TMEM17: variants seen among roughly 807,000 people sequenced by gnomAD.
TMEM17 encodes transmembrane protein 17.
In TMEM17, 15 loss-of-function variants were observed where a neutral mutation model predicts 19.1. That is an observed-to-expected ratio of 0.78 (90% CI 0.52 to 1.21). TMEM17 has a LOEUF of 1.21. Among genes scored for constraint, TMEM17 ranks in the 50% most tolerant of loss-of-function variants. TMEM17 has a pLI of 0.00. For synonymous variants in TMEM17, 103 were observed against 86.9 expected (o/e 1.19, Z -1.03); for missense variants, 245 against 242.3 (o/e 1.01, Z -0.07).
At chr2:62,477,910 T>C in the TMEM17 span, among the ~76,000 whole-genome samples, 1 of 152,202 alleles carries the variant, frequency 6.6e-6, no homozygotes, top group African/African-American at 2.4e-5. Context: ...ACTCATGTAG[T>C]GGCAGCTCCT....
the TMEM17 span, among the ~76,000 whole-genome samples, chr2:62,485,337 C>G: frequency 6.6e-6 from 1 of 152,212 alleles, no homozygotes; most frequent in Admixed American, 6.5e-5. Flanking sequence ...TTTCTTCCCC[C>G]ACTTCTTTCT....
the TMEM17 span, among the ~76,000 whole-genome samples, chr2:62,470,716 C>A: frequency 1.3e-5 from 2 of 152,232 alleles, no homozygotes; most frequent in Admixed American, 1.3e-4. Context: ...AAGACCACAG[C>A]CCCTCACAAA....
the TMEM17 span, among the ~76,000 whole-genome samples, chr2:62,457,783 T>C: frequency 6.6e-6 from 1 of 152,214 alleles, no homozygotes; most frequent in East Asian, 1.9e-4. The surrounding 1 kb of genome is among the most constrained non-coding windows in gnomAD (Gnocchi z 4.2). Context: ...CTCACTTTTA[T>C]CTGTGGCCTG....
At chr2:62,498,348 C>T (rs1016693955), downstream of TMEM17, among the ~76,000 whole-genome samples, 6 of 151,714 alleles carry the variant, frequency 4.0e-5, no homozygotes, top group African/African-American at 1.5e-4. Flanking sequence ...GATCACGCCA[C>T]TGCACTCCAG....
At chr2:62,468,193 C>T in the TMEM17 span, among the ~76,000 whole-genome samples, 2 of 152,134 alleles carry the variant, frequency 1.3e-5, no homozygotes, top group Non-Finnish European at 1.5e-5. Context: ...CCACGTGACT[C>T]TACAGAGGCA....
At chr2:62,467,387 C>T in the TMEM17 span, among the ~76,000 whole-genome samples, 11 of 152,200 alleles carry the variant, frequency 7.2e-5, no homozygotes, top group Admixed American at 4.6e-4. Context: ...AAAGGACTTG[C>T]GAAAGTCCCA....
chr2:62,461,114 T>C, the TMEM17 span, among the ~76,000 whole-genome samples: 1 of 152,216 alleles, frequency 6.6e-6, no homozygotes, highest in Non-Finnish European at 1.5e-5. Flanking sequence ...TCCTGGGCTC[T>C]CTGGCCAGCC....
the TMEM17 span, among the ~76,000 whole-genome samples, chr2:62,486,429 T>C: frequency 1.0e-3 from 156 of 152,372 alleles, no homozygotes; most frequent in African/African-American, 3.6e-3. Context: ...GCTCTGCCTC[T>C]GTCCCTGGAG....
chr2:62,464,300 C>A, the TMEM17 span, among the ~76,000 whole-genome samples: 20 of 152,320 alleles, frequency 1.3e-4, no homozygotes, highest in East Asian at 3.1e-3. Context: ...GGGGTCACAG[C>A]CCCCATCTGG....
chr2:62,456,208 C>T, the TMEM17 span, among the ~76,000 whole-genome samples: 2 of 152,250 alleles, frequency 1.3e-5, no homozygotes, highest in East Asian at 1.9e-4. Context: ...AAGCAACACA[C>T]ATTTATTCTC....
chr2:62,454,285 G>C, the TMEM17 span, among the ~76,000 whole-genome samples: 4 of 152,220 alleles, frequency 2.6e-5, no homozygotes, highest in African/African-American at 9.6e-5. Flanking sequence ...AGCTCTGGGG[G>C]TGGGAGGAGC....
chr2:62,478,795 T>A, the TMEM17 span, among the ~76,000 whole-genome samples: 6 of 152,224 alleles, frequency 3.9e-5, no homozygotes, highest in African/African-American at 1.4e-4. Flanking sequence ...TTAAAAATTA[T>A]TATTTTGAAG....
At position 62,500,930 on chromosome 2, in the gene TMEM17, AACC is replaced by A. The variant is rs1439829045; in HGVS notation, c.*276_*278del. On this transcript the variant is annotated 3_prime_UTR_variant, in exon 4 of 4. Transcript: ENST00000335390. Reference sequence around the variant, plus strand: ...TGCTACGAGAGAGCTGGCAAATGACAACCACCAATACATAGATTTCTACACTCC... The same window carrying A: ...TGCTACGAGAGAGCTGGCAAATGACAACCAATACATAGATTTCTACACTCC... The A allele has an allele frequency of 1.1e-5, 3 of 281,728 alleles. 1 individual carries two copies. The highest frequency in any genetic ancestry group is 6.6e-5 in the African/African-American group (3 of 45,764). 17.5% of individuals were successfully genotyped at this position (281,728 alleles called of 1,614,324 possible). A position where few individuals can be genotyped will look rare whatever the true frequency, so the allele number is the denominator to read the frequency against.
the TMEM17 span, among the ~76,000 whole-genome samples, chr2:62,461,846 C>T: frequency 9.2e-5 from 14 of 152,204 alleles, no homozygotes; most frequent in African/African-American, 2.9e-4. Context: ...CTGTAATGGC[C>T]GAGCTGGGCT....
At chr2:62,505,965 C>T (rs904920555) in intron 1 of TMEM17, 65 bp downstream of exon 1, 2 of 1,437,592 alleles carry the variant, frequency 1.4e-6, no homozygotes, top group Non-Finnish European at 1.9e-6. Context: ...AAATTCTGGA[C>T]GCTCCAAAAT....
At chr2:62,473,630 A>G in the TMEM17 span, among the ~76,000 whole-genome samples, 15 of 152,246 alleles carry the variant, frequency 9.9e-5, no homozygotes, top group East Asian at 2.9e-3. Flanking sequence ...GAAATATCTC[A>G]TCTACACACT....
the TMEM17 span, among the ~76,000 whole-genome samples, chr2:62,477,696 C>T: frequency 6.6e-6 from 1 of 152,242 alleles, no homozygotes; most frequent in African/African-American, 2.4e-5. Context: ...GGAGGCAGAA[C>T]ACCAGAGGTA....
the TMEM17 span, among the ~76,000 whole-genome samples, chr2:62,479,159 T>C: frequency 1.3e-5 from 2 of 152,246 alleles, no homozygotes; most frequent in Non-Finnish European, 2.9e-5. Flanking sequence ...CACTAGAACT[T>C]AGTCCTCCTA....
At chr2:62,464,195 C>A in the TMEM17 span, 2 of 152,372 alleles carry the variant, frequency 1.3e-5, no homozygotes, top group South Asian at 4.1e-4. Context: ...CTGCCCCATG[C>A]GACGAGGTAA....
Sources: allele counts gnomAD v4.1 joint callset (sites outside exome capture counted in the v4.1 genomes callset), GRCh38; gene constraint gnomAD v4.1.1; non-coding constraint Gnocchi (gnomAD v3.1); transcripts MANE v1.5; gene names NCBI Gene and HGNC (gene_info 2026-07-23, HGNC 2026-07-21).